The following ALPK3 variants were observed in gnomAD, a reference collection of about 807,000 sequenced individuals.
ALPK3 encodes alpha kinase 3.
Under a neutral mutation model 140.0 loss-of-function variants are expected in ALPK3, and 102 were observed. That is an observed-to-expected ratio of 0.73 (90% CI 0.62 to 0.86). The LOEUF is 0.86. Ranked by LOEUF, ALPK3 falls within the 40% of genes least tolerant of loss-of-function variation. The probability of loss-of-function intolerance (pLI) is 0.00; values close to 1 mark genes in which losing one functional copy is unlikely to be tolerated. For synonymous variants in ALPK3, 938 were observed against 898.5 expected (o/e 1.04, Z -0.79); for missense variants, 2,254 against 2,208.2 (o/e 1.02, Z -0.42).
chr15:84,838,637 AT>A lies in ALPK3; in HGVS notation c.305-341del, dbSNP rs72522608. Among the ~76,000 whole-genome samples, 1,506 of 27,226 alleles carry A rather than the reference AT, an allele frequency of 0.055. 41 individuals carry two copies. The highest frequency in any genetic ancestry group is 0.16 in the East Asian group (33 of 210). 17.9% of individuals were successfully genotyped at this position (27,226 alleles called of 152,430 possible). On this transcript the variant is annotated intron_variant, in intron 3 of 13. Transcript: ENST00000258888. The stretch of plus-strand genomic sequence containing the variant: ...TATTATTATTATTATTATTATTATT[AT>A]TGAGATGGAGTCTCACTATCGCCTA...
Position 84,856,892 on chromosome 15 carries a change from A to G in ALPK3, c.2154A>G (p.Thr718=). 1.9e-6 allele frequency: 3 copies of G among 1,614,068 alleles called. No homozygotes were observed. The highest frequency in any genetic ancestry group is 2.5e-6 in the Non-Finnish European group (3 of 1,179,994). ...CGCAGTCAGAGGGGAGCGCGCCCAC[A>G]GCCATGGAAGGTCAGTCTGAGCAAG... is the stretch of plus-strand genomic sequence containing the variant. The part of the protein sequence containing the change: ...KGTQSEGSAP[T]AMEGQSEQEV... The change falls in exon 6 of 14, where the codon ACA becomes ACG. Residue 718 remains threonine (T), a synonymous_variant. Coordinates refer to ENST00000258888, the MANE Select transcript of ALPK3 (RefSeq NM_020778.5).
At position 84,873,245 on chromosome 15, in the gene ALPK3, G is replaced by C. The variant is rs370529341; in HGVS notation, c.*4789G>C. ...AGGGCAGTGAGGGGGTTGATGGGCT[G>C]GGTGCATGCCAGGGACCCAATCAAG... On this transcript the variant is annotated 3_prime_UTR_variant, in exon 14 of 14. Coordinates refer to ENST00000258888, the MANE Select transcript of ALPK3 (RefSeq NM_020778.5). The C allele has an allele frequency of 6.6e-6, 1 of 152,190 alleles. No homozygotes were observed. The highest frequency in any genetic ancestry group is 1.5e-5 in the Non-Finnish European group (1 of 68,030). 9.4% of individuals were successfully genotyped at this position (152,190 alleles called of 1,614,324 possible). A position where few individuals can be genotyped will look rare whatever the true frequency, so the allele number is the denominator to read the frequency against.
chr15:84,838,447 G>A (rs1250692908), intron 3 of ALPK3, among the ~76,000 whole-genome samples: 3 of 152,010 alleles, frequency 2.0e-5, no homozygotes, highest in African/African-American at 4.8e-5. Context: ...TATTGCTGAA[G>A]GGGAATTGTT....
chr15:84,870,416 G>A lies in ALPK3; in HGVS notation c.*1960G>A, dbSNP rs1486104965. 1 of 152,192 alleles carries A rather than the reference G, an allele frequency of 6.6e-6. No individual in the cohort carries two copies. The highest frequency in any genetic ancestry group is 1.5e-5 in the Non-Finnish European group (1 of 68,046). The allele number at this position is 152,192 out of a possible 1,614,324, so 9.4% of individuals were successfully genotyped here. On this transcript the variant is annotated 3_prime_UTR_variant, in exon 14 of 14. Transcript: ENST00000258888. ...TGAGTGCTACTTTATGCCAGACCCTGGGCTGGCAGCTGTTTGGAGGCAAAG... is the reference window on the plus strand; with the variant it reads ...TGAGTGCTACTTTATGCCAGACCCTAGGCTGGCAGCTGTTTGGAGGCAAAG...
rs1425193699 is a variant in ALPK3, at chr15:84,859,780, G to C, written c.3970G>C (p.Gly1324Arg). Residue 1324 changes from glycine (G) to arginine (R), a missense_variant, in exon 8 of 14, where the codon GGG (glycine) becomes CGG (arginine). Transcript: ENST00000258888. ...AGTAGGGTCTCCACTCTGCAGCGCA[G>C]GGGATGAGGGGCCGGCGGCCTTGGC... ...RPVGEVGRSA[G>R]DEGPAALAIV... 5 of 1,611,874 alleles carry C rather than the reference G, an allele frequency of 3.1e-6. No individual in the cohort carries two copies. Among genetic ancestry groups the C allele is most frequent in the Non-Finnish European group, 4.2e-6 (5 of 1,179,708 alleles).
At chr15:84,860,134 T>A in intron 9 of ALPK3, 62 bp downstream of exon 9, 1 of 1,584,740 alleles carries the variant, frequency 6.3e-7, no homozygotes, top group East Asian at 2.2e-5. Context: ...GGGAGGACCC[T>A]CTTTAAGGGC....
rs368412162 is a variant in ALPK3 at position 84,827,474 on chromosome 15, C to T, written c.183-10C>T. 1 of 1,613,968 alleles carries T rather than the reference C, an allele frequency of 6.2e-7. No homozygotes were observed. Among genetic ancestry groups the T allele is most frequent in the Non-Finnish European group, 8.5e-7 (1 of 1,180,022 alleles). On this transcript the variant is annotated splice_polypyrimidine_tract_variant and intron_variant, in intron 2 of 13. Transcript: ENST00000258888. The stretch of plus-strand genomic sequence containing the variant: ...AAGGCCAGCTCTGAATAGCTCTTTG[C>T]CTCTCTTAGGAGCACCTTCTGCTCC...
chr15:84,850,879 TAC>T (rs4040516), intron 5 of ALPK3, among the ~76,000 whole-genome samples: 3,387 of 142,244 alleles, frequency 0.024, 109 homozygotes, highest in African/African-American at 0.08. Context: ...GTTCCAGATA[TAC>T]ACACACACAC....
intron 5 of ALPK3, among the ~76,000 whole-genome samples, chr15:84,844,135 A>G (rs754751001): frequency 8.5e-5 from 13 of 152,178 alleles, no homozygotes; most frequent in Non-Finnish European, 1.5e-4. Context: ...AGGCTGAGGC[A>G]GATAATTGCT....
At position 84,862,773 on chromosome 15, in the gene ALPK3, C is replaced by A; in HGVS notation, c.4268C>A (p.Ala1423Asp). 1 of 1,614,148 alleles carries A rather than the reference C, an allele frequency of 6.2e-7. No individual in the cohort carries two copies. Among genetic ancestry groups the A allele is most frequent in the East Asian group, 2.2e-5 (1 of 44,854 alleles). ...GGATATGGGTGTGGCCTTCGGAAGG[C>A]CTCCCAGGCCAAGGTCATCTACGGG... ...GGGYGCGLRK[A>D]SQAKVIYGLE... Residue 1423 changes from alanine to aspartate, a missense_variant, in exon 10 of 14, where the codon GCC (alanine) becomes GAC (aspartate). This residue lies in a region of ALPK3 where 2,088 missense variants were observed against 2,022.9 expected (regional missense o/e 1.03). Coordinates refer to ENST00000258888, the MANE Select transcript of ALPK3 (RefSeq NM_020778.5).
At chr15:84,852,575 C>A in intron 5 of ALPK3, 1 of 299,018 alleles carries the variant, frequency 3.3e-6, no homozygotes, top group Non-Finnish European at 6.6e-6. Flanking sequence ...TTGCTCACAG[C>A]GTTAAGAGCT....
In ALPK3 at chr15:84,851,931, C is replaced by T. The variant is rs549575415; in HGVS notation, c.1654-4461C>T. 5.9e-5 allele frequency among the ~76,000 whole-genome samples: 9 copies of T among 152,184 alleles called. No homozygotes were observed. In the South Asian group the frequency reaches 1.7e-3, roughly 28 times the overall value. On this transcript the variant is annotated intron_variant, in intron 5 of 13. Coordinates refer to ENST00000258888, the MANE Select transcript of ALPK3 (RefSeq NM_020778.5). Reference sequence around the variant, plus strand: ...ATATTTTTAGTTTTAATAGATAATGCCAAATTGCCGTCTGTAGAGGCTGTG... The same window carrying T: ...ATATTTTTAGTTTTAATAGATAATGTCAAATTGCCGTCTGTAGAGGCTGTG...
Position 84,840,901 on chromosome 15 carries a change from A to G in ALPK3, c.1622A>G (p.Gln541Arg), listed in dbSNP as rs766916492. 1 of 1,608,458 alleles carries G rather than the reference A, an allele frequency of 6.2e-7. No homozygotes were observed. Among genetic ancestry groups the G allele is most frequent in the East Asian group, 2.2e-5 (1 of 44,834 alleles). Residue 541 changes from glutamine to arginine, a missense_variant, in exon 5 of 14, where the codon CAG (glutamine) becomes CGG (arginine). Physicochemically the swap from Gln to Arg is conservative, Grantham distance 43. This residue lies in a region of ALPK3 where 2,088 missense variants were observed against 2,022.9 expected (regional missense o/e 1.03). Transcript: ENST00000258888. ...CATGGCACCCGGGACAGCACGTTGC[A>G]GGGGCAAGCAGGCCACAGGACTCCA... is the stretch of plus-strand genomic sequence containing the variant. ...RRHGTRDSTL[Q>R]GQAGHRTPGE...
chr15:84,844,284 G>A (rs527955815), intron 5 of ALPK3, among the ~76,000 whole-genome samples: 87 of 152,026 alleles, frequency 5.7e-4, no homozygotes, highest in African/African-American at 2.0e-3. Flanking sequence ...GTGCATGCCT[G>A]TAATTTCAAC....
At chr15:84,826,440 G>C (rs568965660) in intron 2 of ALPK3, among the ~76,000 whole-genome samples, 30 of 152,096 alleles carry the variant, frequency 2.0e-4, no homozygotes, top group African/African-American at 7.2e-4. Flanking sequence ...CCTCTCTGCC[G>C]CTCACAATGG....
rs1292786311 is a variant in ALPK3, at chr15:84,840,295, G to A, written c.1016G>A (p.Arg339His). 3 of 1,613,960 alleles carry A rather than the reference G, an allele frequency of 1.9e-6. No homozygotes were observed. The highest frequency in any genetic ancestry group is 1.7e-6 in the Non-Finnish European group (2 of 1,180,032). The part of the protein sequence containing the change: ...KPELEKAAQS[R>H]RSSENCIPSS... Reference sequence around the variant, plus strand: ...GAGTTAGAGAAGGCAGCCCAAAGCCGCCGTTCTTCAGAAAACTGCATCCCC... The same window carrying A: ...GAGTTAGAGAAGGCAGCCCAAAGCCACCGTTCTTCAGAAAACTGCATCCCC... The change falls in exon 5 of 14, where the codon CGC (arginine) becomes CAC (histidine). Residue 339 changes from arginine to histidine, a missense_variant. Arg to His is a conservative substitution (Grantham distance 29, BLOSUM62 0). This residue lies in a region of ALPK3 where 2,088 missense variants were observed against 2,022.9 expected (regional missense o/e 1.03). Transcript: ENST00000258888.
chr15:84,865,350 G>A (rs1371072315), intron 12 of ALPK3, among the ~76,000 whole-genome samples: 1 of 152,126 alleles, frequency 6.6e-6, no homozygotes, highest in Non-Finnish European at 1.5e-5. Context: ...TCTTGTCTCT[G>A]TGGTAAATAA....
In ALPK3 at chr15:84,839,771, AGGGGTCCTGGAGGT is replaced by A. The variant is rs1466450842; in HGVS notation, c.496_509del (p.Val166HisfsTer4). 1.2e-6 allele frequency: 2 copies of A among 1,614,022 alleles called. No individual in the cohort carries two copies. Among genetic ancestry groups the A allele is most frequent in the Non-Finnish European group, 8.5e-7 (1 of 1,180,030 alleles). Reference sequence around the variant, plus strand: ...ACAGCAAGGGCATTGTGTCCTGCTCAGGGGTCCTGGAGGTGGGCACCATGACTGAGTACAAGATC... The same window carrying A: ...ACAGCAAGGGCATTGTGTCCTGCTCAGGGCACCATGACTGAGTACAAGATC... On this transcript the variant is annotated frameshift_variant, in exon 5 of 14. Transcript: ENST00000258888. LOFTEE classifies it high-confidence loss of function.
At chr15:84,827,373 G>A in intron 2 of ALPK3, 111 bp from the exon 3 acceptor site, 1 of 1,492,214 alleles carries the variant, frequency 6.7e-7, no homozygotes, top group Non-Finnish European at 9.1e-7. Flanking sequence ...CTGCAGCTCT[G>A]GCCACAGGAA....
Sources: allele counts gnomAD v4.1 joint callset (sites outside exome capture counted in the v4.1 genomes callset), GRCh38; gene constraint gnomAD v4.1.1; regional missense constraint gnomAD v4.1.1; transcripts MANE v1.5; gene names NCBI Gene and HGNC (gene_info 2026-07-23, HGNC 2026-07-21).